The following EYA2 variants were observed in gnomAD, a reference collection of about 807,000 sequenced individuals.
EYA2 encodes EYA transcriptional coactivator and phosphatase 2.
Under a neutral mutation model 69.2 loss-of-function variants are expected in EYA2, and 31 were observed. The observed-to-expected ratio is 0.45, with a 90% CI of 0.34 to 0.60. The LOEUF is 0.60. Among genes scored for constraint, EYA2 ranks in the 20% least tolerant of loss-of-function variants. The pLI, the probability that EYA2 is intolerant of heterozygous loss-of-function variation, is 0.02. For synonymous variants in EYA2, 257 were observed against 279.4 expected, an observed-to-expected ratio of 0.92 and a Z score of 0.80; for missense variants, 622 against 701.2, an observed-to-expected ratio of 0.89 and a Z score of 1.28.
At chr20:47,047,919 A>G (rs1489805756) in intron 5 of EYA2, among the ~76,000 whole-genome samples, 1 of 140,982 alleles carries the variant, frequency 7.1e-6, no homozygotes, top group Non-Finnish European at 1.5e-5. Context: ...TTCTCCATCC[A>G]TCTCGCTCCC....
chr20:47,188,086 G>A lies in EYA2; in HGVS notation c.1570G>A (p.Ala524Thr), dbSNP rs746552793. ...NMPFWRISCH[A>T]DLEALRHALE... ...GCCTTTCTGGCGGATATCCTGCCAC[G>A]CAGACCTGGAGGCACTGAGGCACGC... Residue 524 changes from alanine to threonine, a missense_variant, in exon 16 of 16, where the codon GCA becomes ACA. Physicochemically the swap from Ala to Thr is moderately conservative, Grantham distance 58. Around this residue, in one of 2 missense-constraint regions of EYA2, gnomAD observed 257 missense variants for 351.5 expected, o/e 0.73. Coordinates refer to ENST00000327619, the MANE Select transcript of EYA2 (RefSeq NM_005244.5). 21 of 1,585,944 alleles carry A rather than the reference G, an allele frequency of 1.3e-5. No individual in the cohort carries two copies. The highest frequency in any genetic ancestry group is 6.7e-5 in the African/African-American group (5 of 74,416).
Position 47,025,586 on chromosome 20 carries a change from G to A in EYA2, c.415+9289G>A, listed in dbSNP as rs145485957. 5.9e-5 allele frequency among the ~76,000 whole-genome samples: 9 copies of A among 152,246 alleles called. No homozygotes were observed. In the East Asian group the frequency reaches 1.7e-3, roughly 29 times the overall value. ...GCCAGTTCCTTACTGGGGGCCATTT[G>A]GCCTGTTTCTACTCTTTTGCAACTG... On this transcript the variant is annotated intron_variant, in intron 5 of 15. Transcript: ENST00000327619.
At chr20:46,900,121 T>G (rs1984021755) in intron 1 of EYA2, among the ~76,000 whole-genome samples, 1 of 152,210 alleles carries the variant, frequency 6.6e-6, no homozygotes, top group Admixed American at 6.5e-5. Context: ...TAAAGTTACA[T>G]TTTTTAAAAG....
intron 2 of EYA2, among the ~76,000 whole-genome samples, chr20:46,991,968 C>CAAAAAA (rs36163121): frequency 0.034 from 2,695 of 78,444 alleles, 212 homozygotes; most frequent in Non-Finnish European, 0.042. Flanking sequence ...GACTCCGTCT[C>CAAAAAA]AAAAAAAAAA....
intron 9 of EYA2, among the ~76,000 whole-genome samples, chr20:47,097,578 G>GT (rs903346920): frequency 1.3e-4 from 20 of 152,216 alleles, no homozygotes; most frequent in South Asian, 8.3e-4. Flanking sequence ...TTTTCCTTCT[G>GT]TTTTTTTGAG....
intron 15 of EYA2, 49 bp from the exon 16 acceptor site, chr20:47,188,003 CG>C: frequency 6.5e-7 from 1 of 1,540,910 alleles, no homozygotes; most frequent in Non-Finnish European, 8.8e-7. Context: ...GCGTGGAACC[CG>C]GGGGCAGGGG....
chr20:47,041,672 AG>A (rs149846501), intron 5 of EYA2, among the ~76,000 whole-genome samples: 4,118 of 152,298 alleles, frequency 0.027, 198 homozygotes, highest in African/African-American at 0.093. Context: ...TGGACTCGGT[AG>A]GAAGGTGTGC....
intron 15 of EYA2, 31 bp downstream of exon 15, chr20:47,183,422 C>T: frequency 1.2e-6 from 2 of 1,605,728 alleles, no homozygotes; most frequent in Non-Finnish European, 1.7e-6. Context: ...ACTGCGTTTT[C>T]CTGCTCTTTC....
chr20:47,113,858 T>G (rs2032819082), intron 9 of EYA2, among the ~76,000 whole-genome samples: 1 of 93,554 alleles, frequency 1.1e-5, no homozygotes, highest in African/African-American at 4.6e-5. Flanking sequence ...CTAGATGGGT[T>G]TTTTTTTTTT....
intron 1 of EYA2, among the ~76,000 whole-genome samples, chr20:46,950,530 C>A (rs775839984): frequency 6.6e-6 from 1 of 152,130 alleles, no homozygotes; most frequent in African/African-American, 2.4e-5. Context: ...GGTGCTCCTC[C>A]ACCAAGGGGC....
chr20:47,088,108 G>A (rs569484863), intron 7 of EYA2, among the ~76,000 whole-genome samples: 4 of 152,314 alleles, frequency 2.6e-5, no homozygotes, highest in South Asian at 2.1e-4. Context: ...GGTGGTGGGT[G>A]CCTATAATCC....
chr20:46,986,606 G>A (rs897876509), intron 1 of EYA2, among the ~76,000 whole-genome samples: 3 of 151,938 alleles, frequency 2.0e-5, no homozygotes, highest in East Asian at 1.9e-4. Context: ...TTTGGCTCAC[G>A]GTTCTGCAGG....
intron 4 of EYA2, among the ~76,000 whole-genome samples, chr20:47,006,928 T>C (rs972277234): frequency 3.9e-5 from 6 of 152,150 alleles, no homozygotes; most frequent in African/African-American, 1.2e-4. Context: ...GAAAAAAAAG[T>C]TTTTTTAATT....
At chr20:47,050,957 A>G (rs1183012006) in intron 5 of EYA2, among the ~76,000 whole-genome samples, 1 of 152,262 alleles carries the variant, frequency 6.6e-6, no homozygotes, top group East Asian at 1.9e-4. Context: ...GCATTCGAGC[A>G]TTGCCATGGG....
rs538233124 is a variant in EYA2 at position 47,155,644 on chromosome 20, A to C, written c.978+12496A>C. On this transcript the variant is annotated intron_variant, in intron 10 of 15. Coordinates refer to ENST00000327619, the MANE Select transcript of EYA2 (RefSeq NM_005244.5). ...CCAGGCATTGCGCATGAACCATCTC[A>C]CCGCATCCTCACAGCAGCCCTGCAA... Among the ~76,000 whole-genome samples, 3 of 151,926 alleles carry C rather than the reference A, an allele frequency of 2.0e-5. No homozygotes were observed. The South Asian group carries it at 6.4e-4, about 32-fold the overall frequency.
chr20:46,955,222 C>T (rs1254902859), intron 1 of EYA2, among the ~76,000 whole-genome samples: 1 of 151,836 alleles, frequency 6.6e-6, no homozygotes, highest in Non-Finnish European at 1.5e-5. Flanking sequence ...CCGCAGCCTC[C>T]GCCTCCTGGG....
intron 12 of EYA2, among the ~76,000 whole-genome samples, chr20:47,176,204 C>T (rs2034424605): frequency 1.3e-5 from 2 of 151,692 alleles, no homozygotes; most frequent in Non-Finnish European, 1.5e-5. Flanking sequence ...CTCAGCCTCC[C>T]GAGTAGCTGG....
At chr20:47,182,517 T>TA (rs2034556733) in intron 14 of EYA2, among the ~76,000 whole-genome samples, 1 of 148,806 alleles carries the variant, frequency 6.7e-6, no homozygotes, top group African/African-American at 2.5e-5. Flanking sequence ...TAATCCCAGG[T>TA]ACTTGGAAGG....
intron 5 of EYA2, among the ~76,000 whole-genome samples, chr20:47,047,158 G>C (rs1156464540): frequency 6.6e-6 from 1 of 152,110 alleles, no homozygotes; most frequent in Non-Finnish European, 1.5e-5. Context: ...TGAAGGTCGG[G>C]GGCTGTGTCT....
Sources: allele counts gnomAD v4.1 joint callset (sites outside exome capture counted in the v4.1 genomes callset), GRCh38; gene constraint gnomAD v4.1.1; regional missense constraint gnomAD v4.1.1; transcripts MANE v1.5; gene names NCBI Gene and HGNC (gene_info 2026-07-23, HGNC 2026-07-21).